ABCD2: variants seen among roughly 807,000 people sequenced by gnomAD.
ABCD2 encodes ATP-binding cassette sub-family D member 2.
Under a neutral mutation model 70.9 loss-of-function variants are expected in ABCD2, and 36 were observed. The observed-to-expected ratio is 0.51, with a 90% CI of 0.39 to 0.67. The LOEUF is 0.67. ABCD2 is among the 30% of genes least tolerant of loss of function. ABCD2 has a pLI of 0.00. For synonymous variants in ABCD2, 304 were observed against 306.9 expected (o/e 0.99, Z 0.10); for missense variants, 729 against 890.2 (o/e 0.82, Z 2.30).
intron 9 of ABCD2, among the ~76,000 whole-genome samples, chr12:39,565,970 G>A (rs1459259677): frequency 6.6e-6 from 1 of 152,132 alleles, no homozygotes; most frequent in Admixed American, 6.6e-5. Context: ...TGCATCCCAG[G>A]GATGAAGCCC....
intron 9 of ABCD2, among the ~76,000 whole-genome samples, chr12:39,568,626 T>G (rs947445232): frequency 9.8e-5 from 15 of 152,344 alleles, no homozygotes; most frequent in African/African-American, 3.6e-4. Context: ...TTCTCTGAAC[T>G]CGTCAAAGTC....
chr12:39,596,270 C>T (rs1941813609), intron 6 of ABCD2, among the ~76,000 whole-genome samples: 1 of 152,080 alleles, frequency 6.6e-6, no homozygotes, highest in African/African-American at 2.4e-5. Context: ...CTATTTTTTC[C>T]TCATTTTGAA....
In ABCD2 at chr12:39,567,558, C is replaced by T. The variant is rs541528023; in HGVS notation, c.2003+6158G>A. 5.9e-5 allele frequency among the ~76,000 whole-genome samples: 9 copies of T among 152,282 alleles called. 1 individual carries two copies. The highest frequency in any genetic ancestry group is 2.2e-4 in the African/African-American group (9 of 41,546). ...TGAGATGGGTCTGGGGAATACAGCA[C>T]ACTGATGAGTCTTGACTCTTTATCC... On this transcript the variant is annotated intron_variant, in intron 9 of 9. Coordinates refer to ENST00000308666, the MANE Select transcript of ABCD2 (RefSeq NM_005164.4).
downstream of ABCD2, among the ~76,000 whole-genome samples, chr12:39,548,682 A>G (rs545120203): frequency 2.0e-5 from 3 of 151,426 alleles, no homozygotes; most frequent in Non-Finnish European, 4.4e-5. Context: ...AATATATTTA[A>G]TATATACAAA....
In ABCD2 at chr12:39,550,355, C is replaced by A. The variant is rs1187973928; in HGVS notation, c.*3557G>T. 6.6e-6 allele frequency: 1 copy of A among 151,650 alleles called. No homozygotes were observed. The highest frequency in any genetic ancestry group is 6.6e-5 in the Admixed American group (1 of 15,212). 9.4% of individuals were successfully genotyped at this position (151,650 alleles called of 1,614,324 possible). A position where few individuals can be genotyped will look rare whatever the true frequency, so the allele number is the denominator to read the frequency against. On this transcript the variant is annotated 3_prime_UTR_variant, in exon 10 of 10. Transcript: ENST00000308666. ...AAGGAATGATGAGTTCAAGTAAATA[C>A]ACATCAGATGGAAATTATATTATAA...
the ABCD2 span, among the ~76,000 whole-genome samples, chr12:39,534,701 C>T: frequency 2.7e-5 from 3 of 111,298 alleles, no homozygotes; most frequent in African/African-American, 3.7e-5. Context: ...GAAGGAAGGA[C>T]GGAAGGAAGG....
chr12:39,542,937 C>T, the ABCD2 span, among the ~76,000 whole-genome samples: 5 of 152,218 alleles, frequency 3.3e-5, no homozygotes, highest in African/African-American at 1.2e-4. Flanking sequence ...TAAAGAAATA[C>T]AGGAGGATTG....
At chr12:39,582,239 C>T (rs201236437) in intron 7 of ABCD2, among the ~76,000 whole-genome samples, 1 of 152,022 alleles carries the variant, frequency 6.6e-6, no homozygotes, top group Non-Finnish European at 1.5e-5. Flanking sequence ...TAGTGGCATA[C>T]CCTCGCATAG....
At position 39,591,447 on chromosome 12, in the gene ABCD2, C is replaced by T. The variant is rs546579249; in HGVS notation, c.1647-5150G>A. Among the ~76,000 whole-genome samples the T allele has an allele frequency of 3.9e-5, 6 of 152,198 alleles. No homozygotes were observed. The South Asian group carries it at 1.0e-3, about 26-fold the overall frequency. ...TAATATTAGGCCAGGTGCAGTGGCT[C>T]GCATCTGTAATCCCCGTAATTTGGG... On this transcript the variant is annotated intron_variant, in intron 6 of 9. Coordinates refer to ENST00000308666, the MANE Select transcript of ABCD2 (RefSeq NM_005164.4).
chr12:39,543,844 T>C, the ABCD2 span, among the ~76,000 whole-genome samples: 1 of 152,218 alleles, frequency 6.6e-6, no homozygotes, highest in Non-Finnish European at 1.5e-5. Flanking sequence ...CTACTATGCA[T>C]CAGACACTGA....
the ABCD2 span, among the ~76,000 whole-genome samples, chr12:39,531,098 A>G: frequency 2.0e-5 from 3 of 152,178 alleles, no homozygotes; most frequent in Non-Finnish European, 4.4e-5. Flanking sequence ...AATTCCAGGC[A>G]CTTTTCTATA....
At chr12:39,557,422 G>A (rs1941185304) in intron 9 of ABCD2, among the ~76,000 whole-genome samples, 1 of 152,170 alleles carries the variant, frequency 6.6e-6, no homozygotes, top group South Asian at 2.1e-4. Flanking sequence ...ATGTTTGAAA[G>A]GAAAGCAGAG....
At position 39,619,058 on chromosome 12, in the gene ABCD2, G is replaced by A. The variant is rs1942156007; in HGVS notation, c.558C>T (p.Thr186=). 5 of 1,614,048 alleles carry A rather than the reference G, an allele frequency of 3.1e-6. No homozygotes were observed. The South Asian group carries it at 3.3e-5, about 11-fold the overall frequency. ...RTRLVDHAYE[T]YFTNQTYYKV... ...TATAATAAGTCTGATTTGTAAAATAGGTTTCATAGGCGTGGTCTACTAGGC... is the reference window on the plus strand; with the variant it reads ...TATAATAAGTCTGATTTGTAAAATAAGTTTCATAGGCGTGGTCTACTAGGC... Residue 186 remains threonine (T), a synonymous_variant, in exon 1 of 10, where the codon ACC becomes ACT. Transcript: ENST00000308666.
chr12:39,616,191 A>G (rs1942112527), intron 2 of ABCD2, among the ~76,000 whole-genome samples: 1 of 152,156 alleles, frequency 6.6e-6, no homozygotes. Context: ...GGGATGTCTT[A>G]TTTTAGGAAA....
chr12:39,593,993 T>C lies in ABCD2; in HGVS notation c.1646+6578A>G, dbSNP rs1941781130. On this transcript the variant is annotated intron_variant, in intron 6 of 9. Coordinates refer to ENST00000308666, the MANE Select transcript of ABCD2 (RefSeq NM_005164.4). ...CCTTCACCTTAACATATCTGAATGATGGCCAAGTACCTATGCTAAAATGTA... is the reference window on the plus strand; with the variant it reads ...CCTTCACCTTAACATATCTGAATGACGGCCAAGTACCTATGCTAAAATGTA... Among the ~76,000 whole-genome samples the C allele has an allele frequency of 2.0e-5, 3 of 152,224 alleles. No individual in the cohort carries two copies. In the South Asian group the frequency reaches 6.2e-4, roughly 32 times the overall value.
intron 8 of ABCD2, among the ~76,000 whole-genome samples, chr12:39,574,952 A>G (rs1941495984): frequency 6.6e-6 from 1 of 152,200 alleles, no homozygotes; most frequent in East Asian, 1.9e-4. Context: ...TATGCAAAGA[A>G]TAAAAGATCA....
chr12:39,619,484 T>C lies in ABCD2; in HGVS notation c.132A>G (p.Leu44=). 3.7e-6 allele frequency: 6 copies of C among 1,613,588 alleles called. No homozygotes were observed. Among genetic ancestry groups the C allele is most frequent in the Non-Finnish European group, 5.1e-6 (6 of 1,180,022 alleles). Residue 44 remains leucine, a synonymous_variant, in exon 1 of 10, where the codon TTA becomes TTG. Coordinates refer to ENST00000308666, the MANE Select transcript of ABCD2 (RefSeq NM_005164.4). ...TTTTCTTCCCGTGGCCAGATTGCTT[T>C]AAACGCTTGCCAATGATGGGATAGA... ...KTLYPIIGKR[L]KQSGHGKKKA... is the part of the protein sequence containing the mutation.
In ABCD2 at chr12:39,560,289, C is replaced by T. The variant is rs367792780; in HGVS notation, c.2004-6158G>A. On this transcript the variant is annotated intron_variant, in intron 9 of 9. Transcript: ENST00000308666. The stretch of plus-strand genomic sequence containing the variant: ...GGTTTTTTGTCCTTGTGATAGTTTG[C>T]TGAGAATGATGGTTTCCAGCTTCAT... Among the ~76,000 whole-genome samples the T allele has an allele frequency of 2.1e-3, 317 of 152,186 alleles. 8 individuals carry two copies. In the South Asian group the frequency reaches 0.063, roughly 30 times the overall value.
chr12:39,595,166 TG>T (rs928907844), intron 6 of ABCD2, among the ~76,000 whole-genome samples: 7 of 152,142 alleles, frequency 4.6e-5, no homozygotes, highest in Non-Finnish European at 8.8e-5. Context: ...CTCAGAAAGT[TG>T]GGAAAGTAAT....
Sources: allele counts gnomAD v4.1 joint callset (sites outside exome capture counted in the v4.1 genomes callset), GRCh38; gene constraint gnomAD v4.1.1; transcripts MANE v1.5; gene names NCBI Gene and HGNC (gene_info 2026-07-23, HGNC 2026-07-21).